DKK4: variants seen among roughly 807,000 people sequenced by gnomAD.
DKK4 encodes the protein dickkopf Wnt signaling pathway inhibitor 4.
A neutral mutation model predicts 14.5 loss-of-function variants in DKK4; 15 were observed. The observed-to-expected ratio is 1.03, with a 90% confidence interval of 0.69 to 1.59. The LOEUF (loss-of-function observed/expected upper bound fraction) is 1.59, where lower values mean the gene tolerates loss of function less well. DKK4 is among the 40% of genes most tolerant of loss of function. The pLI is 0.00. For synonymous variants in DKK4, 89 were observed against 105.2 expected, an observed-to-expected ratio of 0.85 and a Z score of 0.94; for missense variants, 272 against 280.3, an observed-to-expected ratio of 0.97 and a Z score of 0.21.
chr8:42,379,847 C>A (rs983941830), upstream of DKK4, among the ~76,000 whole-genome samples: 2 of 152,052 alleles, frequency 1.3e-5, no homozygotes, highest in Non-Finnish European at 2.9e-5. Flanking sequence ...CCCTGATATG[C>A]CATGCTAAGA....
At chr8:42,383,257 C>A in the DKK4 span, among the ~76,000 whole-genome samples, 2 of 152,294 alleles carry the variant, frequency 1.3e-5, no homozygotes, top group African/African-American at 2.4e-5. Context: ...GAGTGAAGGG[C>A]AGCACCCAGG....
At chr8:42,386,102 G>A in the DKK4 span, among the ~76,000 whole-genome samples, 453 of 152,266 alleles carry the variant, frequency 3.0e-3, 1 homozygote, top group African/African-American at 0.01. Flanking sequence ...TTTCAGAGAC[G>A]AAGTCTCACT....
Position 42,377,057 on chromosome 8 carries a change from G to T in DKK4, c.-12C>A, listed in dbSNP as rs761022029. The T allele has an allele frequency of 6.2e-7, 1 of 1,609,580 alleles. No individual in the cohort carries two copies. Among genetic ancestry groups the T allele is most frequent in the Non-Finnish European group, 8.5e-7 (1 of 1,178,920 alleles). On this transcript the variant is annotated 5_prime_UTR_variant, in exon 1 of 4. Coordinates refer to ENST00000220812, the MANE Select transcript of DKK4 (RefSeq NM_014420.3). Reference sequence around the variant, plus strand: ...ACGGCCGCCACCATCCTTCAATCCCGGGGCTCCTGGAGGGTCCCAGCACTG... The same window carrying T: ...ACGGCCGCCACCATCCTTCAATCCCTGGGCTCCTGGAGGGTCCCAGCACTG...
intron 2 of DKK4, 28 bp from the exon 3 acceptor site, chr8:42,374,941 T>C (rs1186412114): frequency 1.2e-6 from 2 of 1,613,136 alleles, no homozygotes; most frequent in Admixed American, 1.7e-5. Flanking sequence ...GTAACTAGAA[T>C]TATTAACTTC....
upstream of DKK4, among the ~76,000 whole-genome samples, chr8:42,377,436 CAA>C (rs1414772130): frequency 6.6e-6 from 1 of 152,146 alleles, no homozygotes; most frequent in African/African-American, 2.4e-5. Context: ...TATTGCATAT[CAA>C]AGTTAGTTCA....
chr8:42,375,916 A>G (rs1419438465), intron 1 of DKK4, 86 bp from the exon 2 acceptor site: 27 of 1,518,720 alleles, frequency 1.8e-5, no homozygotes, highest in Non-Finnish European at 2.4e-5. Context: ...AGGCGGAGGG[A>G]GCCAAAGGAC....
intron 3 of DKK4, 22 bp from the exon 4 acceptor site, chr8:42,374,381 C>T: frequency 6.2e-7 from 1 of 1,610,570 alleles, no homozygotes; most frequent in Non-Finnish European, 8.5e-7. Flanking sequence ...TTAATGTGGG[C>T]TTTAGTGATA....
chr8:42,383,388 C>A, the DKK4 span, among the ~76,000 whole-genome samples: 1 of 152,266 alleles, frequency 6.6e-6, no homozygotes, highest in African/African-American at 2.4e-5. Flanking sequence ...CTTTTACACA[C>A]CAGTGTTCTG....
At chr8:42,377,803 G>A (rs1235757825), upstream of DKK4, among the ~76,000 whole-genome samples, 2 of 152,170 alleles carry the variant, frequency 1.3e-5, no homozygotes, top group African/African-American at 4.8e-5. Context: ...TGCCATTTGG[G>A]AAATTACTTT....
the DKK4 span, among the ~76,000 whole-genome samples, chr8:42,389,003 C>T: frequency 2.6e-5 from 4 of 152,316 alleles, no homozygotes; most frequent in Admixed American, 6.5e-5. Flanking sequence ...AGCGCAGTGG[C>T]GCAATCACAG....
At chr8:42,384,454 T>G in the DKK4 span, among the ~76,000 whole-genome samples, 1 of 152,110 alleles carries the variant, frequency 6.6e-6, no homozygotes, top group Admixed American at 6.6e-5. Context: ...CATCTGATTC[T>G]TTTCTTTAGA....
chr8:42,379,290 T>C (rs543281769), upstream of DKK4, among the ~76,000 whole-genome samples: 17 of 143,038 alleles, frequency 1.2e-4, no homozygotes, highest in African/African-American at 3.9e-4. Context: ...GGTGTTCACC[T>C]GTAGTTTCAG....
the DKK4 span, among the ~76,000 whole-genome samples, chr8:42,389,060 C>T: frequency 2.0e-5 from 3 of 152,202 alleles, no homozygotes. Context: ...CTTCCCACCT[C>T]AGCCTCTCAA....
chr8:42,380,948 CGAA>C (rs1824669758), upstream of DKK4, among the ~76,000 whole-genome samples: 1 of 151,398 alleles, frequency 6.6e-6, no homozygotes, highest in African/African-American at 2.4e-5. Context: ...AACGAACAAA[CGAA>C]AGAAAGAGAA....
At chr8:42,379,940 G>A (rs1279236686), upstream of DKK4, among the ~76,000 whole-genome samples, 1 of 152,170 alleles carries the variant, frequency 6.6e-6, no homozygotes, top group Non-Finnish European at 1.5e-5. Context: ...GGGTGCAGTG[G>A]CTCATGCTTG....
the DKK4 span, among the ~76,000 whole-genome samples, chr8:42,384,676 G>A: frequency 5.3e-5 from 8 of 151,910 alleles, no homozygotes; most frequent in Admixed American, 2.6e-4. Flanking sequence ...CCCTCTGGTC[G>A]TCTCCATGTT....
Position 42,376,963 on chromosome 8 carries a change from C to T in DKK4, c.83G>A (p.Ser28Asn), listed in dbSNP as rs201136549. The T allele has an allele frequency of 3.9e-5, 63 of 1,613,854 alleles. No homozygotes were observed. Among genetic ancestry groups the T allele is most frequent in the Non-Finnish European group, 1.4e-5 (17 of 1,180,020 alleles). The change falls in exon 1 of 4, where the codon AGC becomes AAC. Residue 28 changes from serine to asparagine, a missense_variant. By Grantham distance (46) the Ser-to-Asn change is conservative. Transcript: ENST00000220812. ...ALVLDFNNIR[S>N]SADLHGARKG... ...CCGGGCCCCATGCAGGTCAGCAGAG[C>T]TCCTGATGTTGTTGAAGTCCAGGAC...
the DKK4 span, among the ~76,000 whole-genome samples, chr8:42,382,375 CTCCA>C: frequency 2.6e-5 from 4 of 152,180 alleles, no homozygotes; most frequent in African/African-American, 9.7e-5. Flanking sequence ...GAGCCCGCAT[CTCCA>C]TGATTTGGGG....
At chr8:42,391,053 G>A in the DKK4 span, among the ~76,000 whole-genome samples, 1 of 152,074 alleles carries the variant, frequency 6.6e-6, no homozygotes, top group Non-Finnish European at 1.5e-5. Flanking sequence ...TTATTAGTTG[G>A]TCTTCTCCTC....
Sources: gnomAD v4.1 joint callset for allele counts (sites outside exome capture counted in the v4.1 genomes callset) on GRCh38, gnomAD v4.1.1 for gene constraint, MANE v1.5 for transcripts, NCBI Gene and HGNC (gene_info 2026-07-23, HGNC 2026-07-21) for gene names.